TRABD2A: variants seen among roughly 807,000 people sequenced by gnomAD.
The protein encoded by TRABD2A is metalloprotease TIKI1.
Under a neutral mutation model 45.6 loss-of-function variants are expected in TRABD2A, and 43 were observed. That is an observed-to-expected ratio of 0.94 (90% CI 0.74 to 1.22). The LOEUF (loss-of-function observed/expected upper bound fraction) is 1.22, where lower values mean the gene tolerates loss of function less well. Ranked by LOEUF, TRABD2A falls within the 50% of genes most tolerant of loss-of-function variation. The probability of loss-of-function intolerance (pLI) is 0.00; values close to 1 mark genes in which losing one functional copy is unlikely to be tolerated. For synonymous variants in TRABD2A, 269 were observed against 265.0 expected (o/e 1.02, Z -0.15); for missense variants, 642 against 652.4 (o/e 0.98, Z 0.17).
At chr2:84,873,050 G>T (rs1682914190) in intron 1 of TRABD2A, among the ~76,000 whole-genome samples, 1 of 150,402 alleles carries the variant, frequency 6.6e-6, no homozygotes, top group East Asian at 1.9e-4. Flanking sequence ...AGGAGGTGGA[G>T]GTTGCAGTGA....
At position 84,824,034 on chromosome 2, in the gene TRABD2A, C is replaced by T. The variant is rs1681073743; in HGVS notation, c.1253G>A (p.Arg418Lys). The change falls in exon 6 of 7, where the codon AGG (arginine) becomes AAG (lysine). Residue 418 changes from arginine to lysine, a missense_variant. By Grantham distance (26) the Arg-to-Lys change is conservative (BLOSUM62 2). Coordinates refer to ENST00000409520, the MANE Select transcript of TRABD2A (RefSeq NM_001277053.2). ...SADTPSEAEQ[R>K]FRKKRRRSQR... ...TGACCGCCTCCGCTTCTTCCGGAAC[C>T]TCTGTTCGGCCTCACTGGGCGTGTC... 4 of 1,613,766 alleles carry T rather than the reference C, an allele frequency of 2.5e-6. No homozygotes were observed. Among genetic ancestry groups the T allele is most frequent in the Admixed American group, 1.7e-5 (1 of 59,988 alleles).
intron 5 of TRABD2A, among the ~76,000 whole-genome samples, chr2:84,829,673 A>G (rs1681264670): frequency 6.7e-6 from 1 of 150,206 alleles, no homozygotes. Flanking sequence ...CAGCACACAT[A>G]CCCCACACAC....
At chr2:84,863,660 G>A (rs1682581796) in intron 2 of TRABD2A, among the ~76,000 whole-genome samples, 1 of 128,894 alleles carries the variant, frequency 7.8e-6, no homozygotes, top group East Asian at 2.2e-4. Context: ...TGCCCAGGCT[G>A]GAGTGCAGTG....
intron 4 of TRABD2A, chr2:84,835,277 G>A (rs1428881646): frequency 1.3e-5 from 2 of 152,236 alleles, no homozygotes; most frequent in African/African-American, 2.4e-5. Flanking sequence ...TAGAGTTACA[G>A]CAAACATGCC....
chr2:84,852,586 T>C (rs1448547785), intron 2 of TRABD2A, among the ~76,000 whole-genome samples: 2 of 152,078 alleles, frequency 1.3e-5, no homozygotes, highest in African/African-American at 4.8e-5. Flanking sequence ...TCAGGGGCTG[T>C]TGGCAGGGTG....
At chr2:84,871,333 T>C (rs1682866657) in intron 1 of TRABD2A, among the ~76,000 whole-genome samples, 1 of 152,144 alleles carries the variant, frequency 6.6e-6, no homozygotes, top group Non-Finnish European at 1.5e-5. Context: ...ATCCCTGCTC[T>C]TTCAGATCTC....
chr2:84,836,985 G>GGTTTT, intron 4 of TRABD2A: 4 of 137,542 alleles, frequency 2.9e-5, no homozygotes, highest in African/African-American at 8.7e-5. Context: ...TTAATTTTAG[G>GGTTTT]GTTTTTTTTT....
At chr2:84,838,268 C>A (rs1681587491) in intron 4 of TRABD2A, 1 of 717,196 alleles carries the variant, frequency 1.4e-6, no homozygotes, top group Admixed American at 2.0e-5. Flanking sequence ...AAAAACAGAA[C>A]AAGTTAAAAT....
chr2:84,880,966 G>A lies in TRABD2A; in HGVS notation c.74C>T (p.Ala25Val). The A allele has an allele frequency of 5.0e-6, 8 of 1,600,408 alleles. No individual in the cohort carries two copies. The highest frequency in any genetic ancestry group is 1.7e-5 in the Admixed American group (1 of 58,178). Reference protein sequence around the residue: ...LPTGAASRRGAPGTANCELKP... With the variant: ...LPTGAASRRGVPGTANCELKP... ...GAGCTCGCAGTTGGCGGTGCCGGGCGCCCCGCGCCGCGAAGCTGCGCCCGT... is the reference window on the plus strand; with the variant it reads ...GAGCTCGCAGTTGGCGGTGCCGGGCACCCCGCGCCGCGAAGCTGCGCCCGT... The change falls in exon 1 of 7, where the codon GCG becomes GTG. Residue 25 changes from alanine to valine, a missense_variant. Coordinates refer to ENST00000409520, the MANE Select transcript of TRABD2A (RefSeq NM_001277053.2).
chr2:84,880,260 G>A (rs1253377605), intron 1 of TRABD2A, among the ~76,000 whole-genome samples: 1 of 151,820 alleles, frequency 6.6e-6, no homozygotes, highest in Non-Finnish European at 1.5e-5. Flanking sequence ...ACTCGGGCAG[G>A]TCACTGAGCC....
At chr2:84,857,850 CTG>C (rs1226752403) in intron 2 of TRABD2A, among the ~76,000 whole-genome samples, 1 of 152,200 alleles carries the variant, frequency 6.6e-6, no homozygotes. Flanking sequence ...TGCAGCACTG[CTG>C]TGTGCTATCC....
At chr2:84,831,095 AG>A (rs1348399149) in intron 5 of TRABD2A, among the ~76,000 whole-genome samples, 2 of 151,972 alleles carry the variant, frequency 1.3e-5, no homozygotes, top group African/African-American at 4.8e-5. Context: ...GACCATTTGG[AG>A]TTAGGGCCTT....
At chr2:84,855,520 C>T (rs1427965163) in intron 2 of TRABD2A, among the ~76,000 whole-genome samples, 1 of 152,148 alleles carries the variant, frequency 6.6e-6, no homozygotes, top group Non-Finnish European at 1.5e-5. Context: ...TCCAATGACA[C>T]ATATTCACTC....
At chr2:84,879,183 T>C (rs1029681208) in intron 1 of TRABD2A, among the ~76,000 whole-genome samples, 2 of 77,502 alleles carry the variant, frequency 2.6e-5, no homozygotes, top group African/African-American at 1.5e-4. Flanking sequence ...TTTTCAATAC[T>C]TTTTTTTTTT....
intron 4 of TRABD2A, chr2:84,838,360 A>C (rs1681589908): frequency 1.5e-5 from 10 of 648,764 alleles, no homozygotes; most frequent in Non-Finnish European, 2.5e-5. Flanking sequence ...GCCTTTAATT[A>C]ATTTCCAGAG....
At chr2:84,849,336 C>T (rs1321917939) in intron 2 of TRABD2A, 4 of 152,254 alleles carry the variant, frequency 2.6e-5, no homozygotes, top group Non-Finnish European at 5.9e-5. Context: ...GCCCTGAGGC[C>T]TTCGAAGCCA....
chr2:84,863,043 A>G (rs368075281), intron 2 of TRABD2A, among the ~76,000 whole-genome samples: 2 of 152,312 alleles, frequency 1.3e-5, no homozygotes, highest in African/African-American at 2.4e-5. Context: ...ATTGACGCCT[A>G]TGTGAAAGCC....
At chr2:84,865,821 G>T (rs893718270) in intron 2 of TRABD2A, among the ~76,000 whole-genome samples, 2 of 152,200 alleles carry the variant, frequency 1.3e-5, no homozygotes, top group Non-Finnish European at 2.9e-5. Flanking sequence ...TTCTCTAGGG[G>T]AACCTACCTG....
intron 2 of TRABD2A, among the ~76,000 whole-genome samples, chr2:84,862,942 A>T (rs1405330753): frequency 2.6e-5 from 4 of 152,174 alleles, no homozygotes; most frequent in Admixed American, 2.6e-4. Flanking sequence ...GTCCAACATG[A>T]AAAAAATAAC....
Sources: gnomAD v4.1 joint callset for allele counts (sites outside exome capture counted in the v4.1 genomes callset) on GRCh38, gnomAD v4.1.1 for gene constraint, MANE v1.5 for transcripts, NCBI Gene and HGNC (gene_info 2026-07-23, HGNC 2026-07-21) for gene names.